Variants in CACNA2D3 observed in about 807,000 individuals in gnomAD.
CACNA2D3 encodes voltage-dependent calcium channel subunit alpha-2/delta-3.
CACNA2D3 carries 60 observed loss-of-function variants against 160.6 expected under a neutral mutation model. That is an observed-to-expected ratio of 0.37 (90% CI 0.30 to 0.46). CACNA2D3 has a LOEUF of 0.46. Among genes scored for constraint, CACNA2D3 ranks in the 20% least tolerant of loss-of-function variants. CACNA2D3 has a pLI of 1.00. For synonymous variants in CACNA2D3, 558 were observed against 492.9 expected (o/e 1.13, Z -1.75); for missense variants, 1,205 against 1,365.0 (o/e 0.88, Z 1.85).
intron 2 of CACNA2D3, among the ~76,000 whole-genome samples, chr3:54,126,715 C>T (rs960702225): frequency 2.6e-5 from 4 of 152,096 alleles, no homozygotes; most frequent in African/African-American, 9.7e-5. Context: ...GTTTTAGATG[C>T]TGTGAGAGAA....
At chr3:54,747,132 T>A (rs1458517588) in intron 11 of CACNA2D3, among the ~76,000 whole-genome samples, 2 of 152,160 alleles carry the variant, frequency 1.3e-5, no homozygotes, top group Non-Finnish European at 2.9e-5. Flanking sequence ...AGACCTCATC[T>A]GCTTGGTGGC....
intron 11 of CACNA2D3, among the ~76,000 whole-genome samples, chr3:54,719,918 A>G (rs901643343): frequency 2.6e-5 from 4 of 151,872 alleles, no homozygotes; most frequent in Non-Finnish European, 5.9e-5. Flanking sequence ...AATTTTTCAT[A>G]TTTATTGGCC....
intron 27 of CACNA2D3, among the ~76,000 whole-genome samples, chr3:54,952,776 C>A (rs1003180261): frequency 6.6e-6 from 1 of 152,144 alleles, no homozygotes; most frequent in Non-Finnish European, 1.5e-5. Flanking sequence ...ACCTCAATGC[C>A]CTCAGCTGTA....
rs1205749661 is a variant in CACNA2D3, at chr3:54,987,748, T to C, written c.2685T>C (p.Phe895=). The change falls in exon 31 of 38, where the codon TTT becomes TTC. Residue 895 remains phenylalanine, a synonymous_variant. Coordinates refer to ENST00000474759, the MANE Select transcript of CACNA2D3 (RefSeq NM_018398.3). ...VMNKLLTMGS[F]KRITLYDYQA... The stretch of plus-strand genomic sequence containing the variant: ...ACAAATTGCTAACAATGGGCTCCTT[T>C]AAAAGGTAAGGGTTTTATGGTCCAC... 1.2e-6 allele frequency: 2 copies of C among 1,606,022 alleles called. No homozygotes were observed. Among genetic ancestry groups the C allele is most frequent in the Non-Finnish European group, 1.7e-6 (2 of 1,177,148 alleles).
intron 3 of CACNA2D3, among the ~76,000 whole-genome samples, chr3:54,364,420 T>C (rs1176945944): frequency 6.6e-6 from 1 of 152,256 alleles, no homozygotes; most frequent in Non-Finnish European, 1.5e-5. Context: ...TTGTAGGCTT[T>C]AAGAACATTT....
chr3:54,362,389 G>A (rs943431426), intron 3 of CACNA2D3, among the ~76,000 whole-genome samples: 1 of 152,144 alleles, frequency 6.6e-6, no homozygotes. Flanking sequence ...CTAGTCATGG[G>A]GCTCTCTCAC....
intron 4 of CACNA2D3, among the ~76,000 whole-genome samples, chr3:54,462,374 G>A (rs1173618800): frequency 6.6e-6 from 1 of 152,084 alleles, no homozygotes; most frequent in Non-Finnish European, 1.5e-5. Flanking sequence ...TGACAGTGGG[G>A]TGTTAACATC....
chr3:54,233,338 C>T (rs980494258), intron 2 of CACNA2D3, among the ~76,000 whole-genome samples: 9 of 152,178 alleles, frequency 5.9e-5, no homozygotes, highest in Middle Eastern at 3.2e-3. Flanking sequence ...AGCCACAGAA[C>T]AATCACCCAC....
chr3:54,981,845 G>T (rs901377728), intron 29 of CACNA2D3, among the ~76,000 whole-genome samples: 2 of 152,190 alleles, frequency 1.3e-5, no homozygotes, highest in African/African-American at 2.4e-5. Context: ...TCCAACCTCT[G>T]ACCAGGAGTT....
chr3:54,160,457 G>A (rs921247394), intron 2 of CACNA2D3, among the ~76,000 whole-genome samples: 2 of 152,038 alleles, frequency 1.3e-5, no homozygotes, highest in African/African-American at 4.8e-5. Context: ...CCAAGATTGC[G>A]CCACTGTACT....
At chr3:54,880,749 C>G (rs764653216) in intron 20 of CACNA2D3, 47 bp from the exon 21 acceptor site, 4 of 1,473,560 alleles carry the variant, frequency 2.7e-6, no homozygotes, top group Non-Finnish European at 3.8e-6. Context: ...CAAGTCTATT[C>G]GAGTCGATGC....
At chr3:54,409,370 G>A (rs1184653498) in intron 4 of CACNA2D3, among the ~76,000 whole-genome samples, 1 of 152,168 alleles carries the variant, frequency 6.6e-6, no homozygotes, top group Non-Finnish European at 1.5e-5. Flanking sequence ...AATATTGCAT[G>A]TGTTGGACTG....
At chr3:54,486,467 T>C (rs769153553) in intron 4 of CACNA2D3, among the ~76,000 whole-genome samples, 10 of 151,892 alleles carry the variant, frequency 6.6e-5, no homozygotes, top group Non-Finnish European at 1.3e-4. Context: ...CAAATTAGAA[T>C]AAAAAACAAA....
intron 9 of CACNA2D3, among the ~76,000 whole-genome samples, chr3:54,602,118 T>A (rs1703070666): frequency 1.3e-5 from 2 of 152,244 alleles, no homozygotes; most frequent in South Asian, 2.1e-4. Context: ...ATAGTTGCCA[T>A]CAGGACTGGC....
intron 2 of CACNA2D3, among the ~76,000 whole-genome samples, chr3:54,165,647 C>T (rs1700440539): frequency 1.3e-5 from 2 of 149,020 alleles, no homozygotes; most frequent in Admixed American, 1.3e-4. Flanking sequence ...TGGTGGTGCA[C>T]ACCTGTAGTC....
intron 4 of CACNA2D3, among the ~76,000 whole-genome samples, chr3:54,498,043 GTT>G (rs201950967): frequency 8.0e-4 from 113 of 141,970 alleles, no homozygotes; most frequent in African/African-American, 2.6e-3. Context: ...TTGGCATATA[GTT>G]TTTTTTTTTT....
intron 4 of CACNA2D3, among the ~76,000 whole-genome samples, chr3:54,419,564 G>A (rs1699807111): frequency 6.6e-6 from 1 of 152,092 alleles, no homozygotes; most frequent in South Asian, 2.1e-4. Flanking sequence ...TTAAATACCA[G>A]TTATTTATTA....
intron 5 of CACNA2D3, among the ~76,000 whole-genome samples, chr3:54,529,133 C>T (rs939353556): frequency 6.6e-6 from 1 of 152,242 alleles, no homozygotes; most frequent in Admixed American, 6.5e-5. Context: ...GGGGTGCCAC[C>T]ATGATGGTAT....
intron 2 of CACNA2D3, among the ~76,000 whole-genome samples, chr3:54,133,358 G>A (rs893996952): frequency 2.6e-5 from 4 of 152,188 alleles, no homozygotes; most frequent in Non-Finnish European, 5.9e-5. Context: ...GCTCCACGTG[G>A]CAAAGGCAGA....
Sources: allele counts gnomAD v4.1 joint callset (sites outside exome capture counted in the v4.1 genomes callset), GRCh38; gene constraint gnomAD v4.1.1; transcripts MANE v1.5; gene names NCBI Gene and HGNC (gene_info 2026-07-23, HGNC 2026-07-21).